Variants in SCYL2 observed in about 807,000 individuals in gnomAD.
SCYL2 encodes the protein SCY1-like protein 2.
Under a neutral mutation model 100.4 loss-of-function variants are expected in SCYL2, and 36 were observed. That is an observed-to-expected ratio of 0.36 (90% CI 0.27 to 0.47). The LOEUF (loss-of-function observed/expected upper bound fraction) is 0.47, where lower values mean the gene tolerates loss of function less well. SCYL2 is among the 20% of genes least tolerant of loss of function. The probability of loss-of-function intolerance (pLI) is 1.00; values close to 1 mark genes in which losing one functional copy is unlikely to be tolerated. For synonymous variants in SCYL2, 330 were observed against 359.2 expected (o/e 0.92, Z 0.92); for missense variants, 902 against 1,083.9 (o/e 0.83, Z 2.36).
Position 100,326,697 on chromosome 12 carries a change from C to T in SCYL2, c.1585C>T (p.Leu529=), listed in dbSNP as rs1049446381. ...LDKWFVLDDI[L]PFLQQIPSKE... Reference sequence around the variant, plus strand: ...TAAGTGGTTTGTACTTGATGATATCCTACCCTTCTTACAACAAATTCCATC... The same window carrying T: ...TAAGTGGTTTGTACTTGATGATATCTTACCCTTCTTACAACAAATTCCATC... Residue 529 remains leucine (L), a synonymous_variant, in exon 12 of 18, where the codon CTA becomes TTA. Transcript: ENST00000360820. The T allele has an allele frequency of 1.2e-6, 2 of 1,611,128 alleles. No homozygotes were observed. Among genetic ancestry groups the T allele is most frequent in the African/African-American group, 1.3e-5 (1 of 74,836 alleles).
Position 100,335,846 on chromosome 12 carries a change from C to T in SCYL2, c.1965C>T (p.Asp655=). The change falls in exon 16 of 18, where the codon GAC becomes GAT. Residue 655 remains aspartate (D), a synonymous_variant. Coordinates refer to ENST00000360820, the MANE Select transcript of SCYL2 (RefSeq NM_017988.6). ...AAGTTTTTAACAACATTGGAGCAGA[C>T]CTTCTGACTGGCAGTGAGTCCGAAA... The part of the protein sequence containing the change: ...IDKVFNNIGA[D]LLTGSESENK... The T allele has an allele frequency of 3.1e-6, 5 of 1,613,370 alleles. No individual in the cohort carries two copies. Among genetic ancestry groups the T allele is most frequent in the Non-Finnish European group, 3.4e-6 (4 of 1,179,456 alleles).
intron 1 of SCYL2, among the ~76,000 whole-genome samples, chr12:100,271,037 G>A (rs2096287064): frequency 6.6e-6 from 1 of 151,942 alleles, no homozygotes; most frequent in African/African-American, 2.4e-5. Flanking sequence ...CTTTGTAATT[G>A]TAAAGAGAAT....
rs1334432032 is a variant in SCYL2 at position 100,338,617 on chromosome 12, T to C, written c.2235T>C (p.Thr745=). The C allele has an allele frequency of 2.5e-6, 4 of 1,614,074 alleles. No homozygotes were observed. The East Asian group carries it at 6.7e-5, about 27-fold the overall frequency. Residue 745 remains threonine (T), a synonymous_variant, in exon 18 of 18, where the codon ACT becomes ACC. Transcript: ENST00000360820. ...VSTPKSSASS[T]FTSVPSMGIG... ...CCCCTAAATCTTCTGCTTCAAGTAC[T>C]TTCACTTCTGTTCCTTCCATGGGCA...
At chr12:100,312,827 C>T (rs913713605) in intron 6 of SCYL2, among the ~76,000 whole-genome samples, 174 bp downstream of exon 6, 12 of 152,044 alleles carry the variant, frequency 7.9e-5, no homozygotes, top group African/African-American at 2.2e-4. Context: ...TTATAAGTAA[C>T]GCAGACTAGG....
chr12:100,296,340 C>A (rs2096320464), intron 3 of SCYL2, among the ~76,000 whole-genome samples: 1 of 152,108 alleles, frequency 6.6e-6, no homozygotes, highest in African/African-American at 2.4e-5. Context: ...ATTCAGATGA[C>A]AGTCCAGAGT....
At chr12:100,318,045 A>G (rs1183057818) in intron 10 of SCYL2, 120 bp downstream of exon 10, 1 of 857,028 alleles carries the variant, frequency 1.2e-6, no homozygotes, top group East Asian at 2.9e-5. Context: ...AAATATATTT[A>G]TCTTTTGAAT....
intron 12 of SCYL2, among the ~76,000 whole-genome samples, chr12:100,328,516 A>G (rs1250728457): frequency 2.0e-5 from 3 of 152,210 alleles, no homozygotes; most frequent in Non-Finnish European, 4.4e-5. Flanking sequence ...TTGGGTATAT[A>G]AGTCATGTGC....
chr12:100,307,220 A>G (rs2096335655), intron 4 of SCYL2, among the ~76,000 whole-genome samples: 1 of 152,232 alleles, frequency 6.6e-6, no homozygotes, highest in East Asian at 1.9e-4. Flanking sequence ...AGCTGGAGTC[A>G]TCATGCTACC....
intron 4 of SCYL2, among the ~76,000 whole-genome samples, chr12:100,299,109 C>T (rs2096324426): frequency 6.6e-6 from 1 of 151,974 alleles, no homozygotes; most frequent in Non-Finnish European, 1.5e-5. Flanking sequence ...GTGGCATGCA[C>T]CTGTGGTCCC....
chr12:100,304,912 A>C (rs2096332398), intron 4 of SCYL2, among the ~76,000 whole-genome samples: 1 of 152,204 alleles, frequency 6.6e-6, no homozygotes, highest in East Asian at 1.9e-4. Context: ...AAAGAAGGGC[A>C]CTACATAATG....
At chr12:100,277,451 T>G (rs1236910306) in intron 1 of SCYL2, among the ~76,000 whole-genome samples, 2 of 152,256 alleles carry the variant, frequency 1.3e-5, no homozygotes, top group Non-Finnish European at 2.9e-5. Flanking sequence ...ATTGGGTGTG[T>G]ACAGATTTAG....
intron 14 of SCYL2, 35 bp downstream of exon 14, chr12:100,334,301 G>C: frequency 1.7e-6 from 2 of 1,172,392 alleles, no homozygotes; most frequent in South Asian, 2.5e-5. Flanking sequence ...ATGTGGTCCG[G>C]GAGTGAAATT....
At chr12:100,310,687 T>C (rs948321427) in intron 4 of SCYL2, among the ~76,000 whole-genome samples, 4 of 152,234 alleles carry the variant, frequency 2.6e-5, no homozygotes, top group Non-Finnish European at 5.9e-5. Context: ...AAAATCTTAA[T>C]ATTCACTGTC....
chr12:100,296,272 T>A (rs2096320346), intron 3 of SCYL2, among the ~76,000 whole-genome samples: 1 of 152,136 alleles, frequency 6.6e-6, no homozygotes, highest in Non-Finnish European at 1.5e-5. Flanking sequence ...TTTTAATGAA[T>A]TAATAATACT....
chr12:100,315,693 C>G lies in SCYL2; in HGVS notation c.1231C>G (p.Pro411Ala), dbSNP rs1487203589. ...TKEEYVKLIL[P>A]ELGPVFKQQE... ...AGAAGAATATGTCAAATTAATTCTT[C>G]CTGAACTTGGCCCTGTGTTTAAGCA... is the stretch of plus-strand genomic sequence containing the variant. The change falls in exon 9 of 18, where the codon CCT becomes GCT. Residue 411 changes from proline (P) to alanine (A), a missense_variant. Pro to Ala is a conservative substitution (Grantham distance 27). Transcript: ENST00000360820. 1 of 1,611,350 alleles carries G rather than the reference C, an allele frequency of 6.2e-7. No homozygotes were observed. The highest frequency in any genetic ancestry group is 1.1e-5 in the South Asian group (1 of 90,398).
chr12:100,273,838 T>C (rs1431379369), intron 1 of SCYL2, among the ~76,000 whole-genome samples: 1 of 152,246 alleles, frequency 6.6e-6, no homozygotes, highest in East Asian at 1.9e-4. Flanking sequence ...GAGTCTGCTA[T>C]TGGACGGAGT....
intron 12 of SCYL2, among the ~76,000 whole-genome samples, chr12:100,327,919 T>C (rs544297975): frequency 6.6e-6 from 1 of 152,342 alleles, no homozygotes; most frequent in Admixed American, 6.5e-5. Context: ...AAGTATTTAT[T>C]GTGGACCTCT....
rs1952327685 is a variant in SCYL2, at chr12:100,339,579, C to T, written c.*407C>T. On this transcript the variant is annotated 3_prime_UTR_variant, in exon 18 of 18. Transcript: ENST00000360820. ...ACTATATGGTACACAGTCTATGAGT[C>T]ATTAGTCTTCATTTTAATATGTAAA... 1 of 157,592 alleles carries T rather than the reference C, an allele frequency of 6.3e-6. No individual in the cohort carries two copies. Among genetic ancestry groups the T allele is most frequent in the African/African-American group, 2.4e-5 (1 of 41,550 alleles). 9.8% of individuals were successfully genotyped at this position (157,592 alleles called of 1,614,324 possible). A position where few individuals can be genotyped will look rare whatever the true frequency, so the allele number is the denominator to read the frequency against.
chr12:100,303,974 G>C (rs1307911877), intron 4 of SCYL2, among the ~76,000 whole-genome samples: 1 of 152,216 alleles, frequency 6.6e-6, no homozygotes, highest in Non-Finnish European at 1.5e-5. Flanking sequence ...GAGGAATCTA[G>C]AGAGCTAGTC....
Sources: allele counts gnomAD v4.1 joint callset (sites outside exome capture counted in the v4.1 genomes callset), GRCh38; gene constraint gnomAD v4.1.1; transcripts MANE v1.5; gene names NCBI Gene and HGNC (gene_info 2026-07-23, HGNC 2026-07-21).